The following DCUN1D4 variants were observed in gnomAD, a reference collection of about 807,000 sequenced individuals.
DCUN1D4 encodes defective in cullin neddylation 1 domain containing 4.
DCUN1D4 carries 22 observed loss-of-function variants against 47.9 expected under a neutral mutation model. That is an observed-to-expected ratio of 0.46 (90% CI 0.33 to 0.66). The LOEUF (loss-of-function observed/expected upper bound fraction) is 0.66. Ranked by LOEUF, DCUN1D4 falls within the 30% of genes least tolerant of loss-of-function variation. The pLI, the probability that DCUN1D4 is intolerant of heterozygous loss-of-function variation, is 0.02. For missense variants in DCUN1D4, 301 were observed against 340.8 expected (o/e 0.88, Z 0.92); for synonymous variants, 121 against 112.2 (o/e 1.08, Z -0.50).
At chr4:51,900,499 T>C (rs1578028447) in intron 8 of DCUN1D4, among the ~76,000 whole-genome samples, 2 of 152,146 alleles carry the variant, frequency 1.3e-5, no homozygotes, top group East Asian at 3.9e-4. Context: ...TTTAGGAGGC[T>C]GAGGCAGAAA....
chr4:51,837,770 G>T, the DCUN1D4 span, among the ~76,000 whole-genome samples: 1 of 144,716 alleles, frequency 6.9e-6, no homozygotes, highest in Non-Finnish European at 1.5e-5. Flanking sequence ...ATTGCTAAAC[G>T]AAATTAAAAC....
At chr4:51,880,773 G>C (rs1728473888) in intron 5 of DCUN1D4, among the ~76,000 whole-genome samples, 1 of 152,130 alleles carries the variant, frequency 6.6e-6, no homozygotes, top group Admixed American at 6.5e-5. Flanking sequence ...CGGCTGGGAG[G>C]TTCAGGGGAA....
chr4:51,866,338 C>A (rs546030847), intron 3 of DCUN1D4, among the ~76,000 whole-genome samples: 1 of 152,252 alleles, frequency 6.6e-6, no homozygotes, highest in East Asian at 1.9e-4. Context: ...CCACGTTTGA[C>A]TTTCCAGAGG....
intron 3 of DCUN1D4, among the ~76,000 whole-genome samples, chr4:51,870,621 A>G (rs1370253045): frequency 6.6e-6 from 1 of 152,112 alleles, no homozygotes; most frequent in Non-Finnish European, 1.5e-5. Context: ...TATTACTGTA[A>G]TAAGATACTG....
At chr4:51,861,380 G>A (rs1725021121) in intron 1 of DCUN1D4, among the ~76,000 whole-genome samples, 1 of 152,128 alleles carries the variant, frequency 6.6e-6, no homozygotes, top group Non-Finnish European at 1.5e-5. Flanking sequence ...TTTGGAGTAT[G>A]AGTTGGGCCC....
chr4:51,842,871 T>C (rs1405589442), upstream of DCUN1D4: 2 of 289,540 alleles, frequency 6.9e-6, no homozygotes, highest in African/African-American at 2.2e-5. Flanking sequence ...ATTTCCCAGC[T>C]TCGCCCCTAC....
At chr4:51,838,115 T>C (rs1007199467), upstream of DCUN1D4, among the ~76,000 whole-genome samples, 1 of 152,162 alleles carries the variant, frequency 6.6e-6, no homozygotes, top group African/African-American at 2.4e-5. Context: ...GAGATTGCAG[T>C]GAGCCAAGAT....
intron 6 of DCUN1D4, among the ~76,000 whole-genome samples, chr4:51,890,926 AC>A (rs1254286183): frequency 6.6e-6 from 1 of 152,228 alleles, no homozygotes; most frequent in African/African-American, 2.4e-5. Context: ...TGTTTCTGAA[AC>A]CTGCATGGTT....
At chr4:51,862,434 C>CCTTTGGAT (rs1725213788) in intron 1 of DCUN1D4, among the ~76,000 whole-genome samples, 1 of 152,216 alleles carries the variant, frequency 6.6e-6, no homozygotes, top group Non-Finnish European at 1.5e-5. Flanking sequence ...TATTGTAGCA[C>CCTTTGGAT]CTGCTCTTTG....
At chr4:51,908,830 C>G in intron 8 of DCUN1D4, 1 of 451,632 alleles carries the variant, frequency 2.2e-6, no homozygotes, top group South Asian at 1.6e-5. Context: ...CACATAGCCA[C>G]AAGTCCACTC....
In DCUN1D4 at chr4:51,914,459, A is replaced by G. The variant is rs926974490; in HGVS notation, c.*875A>G. The G allele has an allele frequency of 1.3e-5, 2 of 152,368 alleles. No individual in the cohort carries two copies. Among genetic ancestry groups the G allele is most frequent in the African/African-American group, 4.8e-5 (2 of 41,368 alleles). 9.4% of individuals were successfully genotyped at this position (152,368 alleles called of 1,614,324 possible). A position where few individuals can be genotyped will look rare whatever the true frequency, so the allele number is the denominator to read the frequency against. On this transcript the variant is annotated 3_prime_UTR_variant, in exon 11 of 11. Transcript: ENST00000334635. ...AATTTATTTCACCTCCTCAATGAAAACCTCATGGTTTTGCTGGCTGTTTAT... is the reference window on the plus strand; with the variant it reads ...AATTTATTTCACCTCCTCAATGAAAGCCTCATGGTTTTGCTGGCTGTTTAT...
At chr4:51,870,583 G>A (rs149737194) in intron 3 of DCUN1D4, among the ~76,000 whole-genome samples, 126 of 151,690 alleles carry the variant, frequency 8.3e-4, no homozygotes, top group Non-Finnish European at 5.1e-4. Context: ...AGAGTCTACC[G>A]TATGACTCAG....
chr4:51,913,817 C>T lies in DCUN1D4; in HGVS notation c.*233C>T, dbSNP rs370129552. On this transcript the variant is annotated 3_prime_UTR_variant, in exon 11 of 11. Coordinates refer to ENST00000334635, the MANE Select transcript of DCUN1D4 (RefSeq NM_001040402.3). ...CACTACAGATTGGTGAATTTGCCAACGTCCTCACTGTGATTATGTGTATAT... is the reference window on the plus strand; with the variant it reads ...CACTACAGATTGGTGAATTTGCCAATGTCCTCACTGTGATTATGTGTATAT... 1.7e-4 allele frequency: 77 copies of T among 460,412 alleles called. No homozygotes were observed. Among genetic ancestry groups the T allele is most frequent in the Middle Eastern group, 1.1e-3 (2 of 1,796 alleles). 28.5% of individuals were successfully genotyped at this position (460,412 alleles called of 1,614,324 possible).
At chr4:51,906,478 C>T (rs1732911654) in intron 8 of DCUN1D4, among the ~76,000 whole-genome samples, 1 of 152,164 alleles carries the variant, frequency 6.6e-6, no homozygotes, top group Non-Finnish European at 1.5e-5. Flanking sequence ...TGATGTGAGT[C>T]AGCCTTTCAT....
intron 5 of DCUN1D4, among the ~76,000 whole-genome samples, chr4:51,883,846 G>A (rs1253252863): frequency 6.6e-6 from 1 of 151,910 alleles, no homozygotes; most frequent in Non-Finnish European, 1.5e-5. Flanking sequence ...AGTTAGAGGG[G>A]ACAACTTCAC....
chr4:51,860,637 C>T (rs895794860), intron 1 of DCUN1D4: 7 of 455,114 alleles, frequency 1.5e-5, no homozygotes, highest in African/African-American at 4.0e-5. Context: ...CACCACATGG[C>T]GAAAGCAGGA....
At chr4:51,852,370 C>T (rs958524381) in intron 1 of DCUN1D4, among the ~76,000 whole-genome samples, 1 of 152,178 alleles carries the variant, frequency 6.6e-6, no homozygotes, top group South Asian at 2.1e-4. Flanking sequence ...AACTAGAAAA[C>T]AACTACTAAC....
At chr4:51,864,426 T>G (rs1011241705) in intron 3 of DCUN1D4, among the ~76,000 whole-genome samples, 2 of 152,240 alleles carry the variant, frequency 1.3e-5, no homozygotes, top group Non-Finnish European at 2.9e-5. Context: ...TTTTAAAGTT[T>G]TTGAAAATGG....
At chr4:51,880,496 T>C (rs1728425697) in intron 5 of DCUN1D4, among the ~76,000 whole-genome samples, 1 of 152,180 alleles carries the variant, frequency 6.6e-6, no homozygotes, top group South Asian at 2.1e-4. Context: ...AGTTCCACTT[T>C]GTACCTTGCC....
Sources: allele counts gnomAD v4.1 joint callset (sites outside exome capture counted in the v4.1 genomes callset), GRCh38; gene constraint gnomAD v4.1.1; transcripts MANE v1.5; gene names NCBI Gene and HGNC (gene_info 2026-07-23, HGNC 2026-07-21).